Variants in SETX observed in about 807,000 individuals in gnomAD.
SETX encodes the protein helicase senataxin.
A neutral mutation model predicts 227.2 loss-of-function variants in SETX; 90 were observed. That is an observed-to-expected ratio of 0.40 (90% CI 0.33 to 0.47). The LOEUF is 0.47. SETX is among the 20% of genes least tolerant of loss of function. SETX has a pLI of 0.91. For missense variants in SETX, 3,052 were observed against 3,181.5 expected (o/e 0.96, Z 0.98); for synonymous variants, 1,210 against 1,113.2 (o/e 1.09, Z -1.73).
In SETX at chr9:132,328,249, T is replaced by C. The variant is rs1248089661; in HGVS notation, c.3349A>G (p.Thr1117Ala). The change falls in exon 10 of 26, where the codon ACT becomes GCT. Residue 1117 changes from threonine to alanine, a missense_variant. Thr to Ala is a moderately conservative substitution (Grantham distance 58, BLOSUM62 0). Coordinates refer to ENST00000224140, the MANE Select transcript of SETX (RefSeq NM_015046.7). ...TCTGTACAACCCTGACCATTTGTAGTATTGGCTATAGGAGCCAAACATTTT... is the reference window on the plus strand; with the variant it reads ...TCTGTACAACCCTGACCATTTGTAGCATTGGCTATAGGAGCCAAACATTTT... Reference protein sequence around the residue: ...EKKCLAPIANTTNGQGCTDYV... With the variant: ...EKKCLAPIANATNGQGCTDYV... 1 of 1,614,198 alleles carries C rather than the reference T, an allele frequency of 6.2e-7. No individual in the cohort carries two copies. The highest frequency in any genetic ancestry group is 1.1e-5 in the South Asian group (1 of 91,076).
In SETX at chr9:132,330,178, A is replaced by T; in HGVS notation, c.1420T>A (p.Cys474Ser). Residue 474 changes from cysteine (C) to serine (S), a missense_variant, in exon 10 of 26, where the codon TGT becomes AGT. Cys to Ser is a moderately radical substitution (Grantham distance 112). This residue lies in a region of SETX where 179 missense variants were observed against 197.1 expected (regional missense o/e 0.91). Coordinates refer to ENST00000224140, the MANE Select transcript of SETX (RefSeq NM_015046.7). Reference protein sequence around the residue: ...SVIELHRNKKCLHLLWVSSQQ... With the variant: ...SVIELHRNKKSLHLLWVSSQQ... ...GAACTTACCCACAGCAAATGCAAACATTTTTTATTTCTATGCAGTTCAATC... is the reference window on the plus strand; with the variant it reads ...GAACTTACCCACAGCAAATGCAAACTTTTTTTATTTCTATGCAGTTCAATC... 6.3e-7 allele frequency: 1 copy of T among 1,592,334 alleles called. No individual in the cohort carries two copies.
chr9:132,331,597 T>C, intron 7 of SETX, 149 bp from the exon 8 acceptor site: 1 of 790,400 alleles, frequency 1.3e-6, no homozygotes, highest in East Asian at 2.7e-5. Context: ...CCGCCACCAG[T>C]CCTCAGACAC....
At position 132,264,896 on chromosome 9, in the gene SETX, T is replaced by A; in HGVS notation, c.7377A>T (p.Ala2459=). Residue 2459 remains alanine (A), a synonymous_variant, in exon 26 of 26, where the codon GCA becomes GCT. Transcript: ENST00000224140. ...CAGGCTTGAGTTTCAGAATCTTCAC[T>A]GCATCATGTCTATAGTTTTTGTCAC... is the stretch of plus-strand genomic sequence containing the variant. ...KTCDKNYRHD[A]VKILKLKPVL... The A allele has an allele frequency of 1.2e-6, 2 of 1,614,140 alleles. No homozygotes were observed. The highest frequency in any genetic ancestry group is 2.2e-5 in the South Asian group (2 of 91,086).
Position 132,327,224 on chromosome 9 carries a change from G to A in SETX, c.4374C>T (p.Val1458=), listed in dbSNP as rs1206580196. Residue 1458 remains valine (V), a synonymous_variant, in exon 10 of 26, where the codon GTC becomes GTT. Coordinates refer to ENST00000224140, the MANE Select transcript of SETX (RefSeq NM_015046.7). Reference sequence around the variant, plus strand: ...CACCCAGAGGGTCTTCTGAAGTGGAGACAATTACTTCATTTGTTGGTACTG... The same window carrying A: ...CACCCAGAGGGTCTTCTGAAGTGGAAACAATTACTTCATTTGTTGGTACTG... The part of the protein sequence containing the change: ...NGTVPTNEVI[V]STSEDPLGGG... 1 of 1,614,198 alleles carries A rather than the reference G, an allele frequency of 6.2e-7. No individual in the cohort carries two copies. Among genetic ancestry groups the A allele is most frequent in the Admixed American group, 1.7e-5 (1 of 60,022 alleles).
intron 12 of SETX, 128 bp from the exon 13 acceptor site, chr9:132,298,440 A>G: frequency 1.2e-6 from 1 of 825,626 alleles, no homozygotes; most frequent in South Asian, 1.5e-5. Flanking sequence ...TACCCAGTAA[A>G]TATTTATGGA....
At chr9:132,324,924 G>A (rs1005729479) in intron 10 of SETX, among the ~76,000 whole-genome samples, 1 of 152,154 alleles carries the variant, frequency 6.6e-6, no homozygotes, top group Non-Finnish European at 1.5e-5. Context: ...TTACACTAAA[G>A]AATTATTTGA....
chr9:132,354,354 G>A (rs1421296148), intron 1 of SETX, among the ~76,000 whole-genome samples: 5 of 151,838 alleles, frequency 3.3e-5, no homozygotes, highest in Admixed American at 6.6e-5. Flanking sequence ...TAATTAGCCG[G>A]GCGTGGTGAC....
chr9:132,289,539 CCCTACGGGTG>C (rs1199149567), intron 15 of SETX, among the ~76,000 whole-genome samples: 2 of 152,102 alleles, frequency 1.3e-5, no homozygotes, highest in Admixed American at 1.3e-4. Flanking sequence ...ACTTCGGGTA[CCCTACGGGTG>C]GTATTGAGGC....
chr9:132,350,072 G>T (rs986663562), intron 2 of SETX, among the ~76,000 whole-genome samples: 1 of 152,042 alleles, frequency 6.6e-6, no homozygotes, highest in Non-Finnish European at 1.5e-5. Flanking sequence ...ACCTAAGTAA[G>T]CTGGGAACGG....
At chr9:132,308,430 A>C (rs1845458443) in intron 11 of SETX, among the ~76,000 whole-genome samples, 2 of 152,238 alleles carry the variant, frequency 1.3e-5, no homozygotes, top group Non-Finnish European at 2.9e-5. Context: ...TTTCAACAAA[A>C]AAATTGCAAG....
chr9:132,354,016 A>G (rs2131593740), intron 1 of SETX, among the ~76,000 whole-genome samples: 1 of 152,270 alleles, frequency 6.6e-6, no homozygotes, highest in Middle Eastern at 3.4e-3. Context: ...CGCGCAGGTA[A>G]CATCAATCCT....
chr9:132,266,447 T>C (rs1356072590), intron 25 of SETX, among the ~76,000 whole-genome samples: 2 of 152,188 alleles, frequency 1.3e-5, no homozygotes, highest in African/African-American at 4.8e-5. Flanking sequence ...ACAGACATTT[T>C]CTGATAAGAC....
intron 15 of SETX, among the ~76,000 whole-genome samples, chr9:132,289,543 A>G (rs1278525548): frequency 3.9e-5 from 6 of 152,100 alleles, no homozygotes; most frequent in South Asian, 4.1e-4. Context: ...CGGGTACCCT[A>G]CGGGTGGTAT....
At chr9:132,315,510 C>T (rs1051408660) in intron 10 of SETX, among the ~76,000 whole-genome samples, 3 of 152,208 alleles carry the variant, frequency 2.0e-5, no homozygotes, top group Non-Finnish European at 4.4e-5. Flanking sequence ...TTCCCATCAG[C>T]ATACACACTG....
rs755701772 is a variant in SETX, at chr9:132,283,247, G to A, written c.6546+17C>T. ...TCATAGTAGTAGTCAAAGTTGTATGGCTGACCGTTCACTGACCTCATCAAC... is the reference window on the plus strand; with the variant it reads ...TCATAGTAGTAGTCAAAGTTGTATGACTGACCGTTCACTGACCTCATCAAC... On this transcript the variant is annotated intron_variant, in intron 19 of 25. Coordinates refer to ENST00000224140, the MANE Select transcript of SETX (RefSeq NM_015046.7). 5 of 1,614,010 alleles carry A rather than the reference G, an allele frequency of 3.1e-6. No individual in the cohort carries two copies. In the South Asian group the frequency reaches 5.5e-5, roughly 18 times the overall value.
chr9:132,309,299 C>T (rs767939686), intron 11 of SETX, among the ~76,000 whole-genome samples: 52 of 152,022 alleles, frequency 3.4e-4, no homozygotes, highest in Non-Finnish European at 6.3e-4. Context: ...AAGTGGACTC[C>T]AGACGCATGA....
chr9:132,320,908 T>A (rs1265692799), intron 10 of SETX, among the ~76,000 whole-genome samples: 1 of 152,118 alleles, frequency 6.6e-6, no homozygotes, highest in Admixed American at 6.5e-5. Flanking sequence ...CCCAAGAACG[T>A]GAACTCCAAC....
chr9:132,355,557 C>CGTG (rs1564173946), upstream of SETX, among the ~76,000 whole-genome samples: 1 of 152,194 alleles, frequency 6.6e-6, no homozygotes, highest in Non-Finnish European at 1.5e-5. Flanking sequence ...GAGTAAATCC[C>CGTG]TCGCTGGTGC....
At chr9:132,293,834 A>G (rs917377344) in intron 15 of SETX, among the ~76,000 whole-genome samples, 1 of 152,148 alleles carries the variant, frequency 6.6e-6, no homozygotes, top group Non-Finnish European at 1.5e-5. Context: ...CATCCTGGCT[A>G]ACACGGTGAA....
Sources: allele counts gnomAD v4.1 joint callset (sites outside exome capture counted in the v4.1 genomes callset), GRCh38; gene constraint gnomAD v4.1.1; regional missense constraint gnomAD v4.1.1; transcripts MANE v1.5; gene names NCBI Gene and HGNC (gene_info 2026-07-23, HGNC 2026-07-21).